Variants in ROBO2 observed in about 807,000 individuals in gnomAD.
The protein encoded by ROBO2 is roundabout homolog 2.
In ROBO2, 53 loss-of-function variants were observed where a neutral mutation model predicts 160.8. The observed-to-expected ratio is 0.33, with a 90% CI of 0.26 to 0.41. The LOEUF (loss-of-function observed/expected upper bound fraction) is 0.41, where lower values mean the gene tolerates loss of function less well. Ranked by LOEUF, ROBO2 falls within the 10% of genes least tolerant of loss-of-function variation. The pLI is 1.00. For synonymous variants in ROBO2, 664 were observed against 611.7 expected (o/e 1.09, Z -1.26); for missense variants, 1,577 against 1,722.4 (o/e 0.92, Z 1.49).
At chr3:76,372,070 G>A (rs979387531) in intron 2 of ROBO2, among the ~76,000 whole-genome samples, 7 of 151,606 alleles carry the variant, frequency 4.6e-5, no homozygotes, top group Admixed American at 1.3e-4. Flanking sequence ...TTAGGTTTAC[G>A]TGTGTTTAAT....
chr3:76,270,643 C>CA (rs1392589557), intron 2 of ROBO2, among the ~76,000 whole-genome samples: 7 of 151,842 alleles, frequency 4.6e-5, no homozygotes, highest in Admixed American at 4.6e-4. Flanking sequence ...CTACCTGATA[C>CA]AAAAGCAATG....
Position 76,204,697 on chromosome 3 carries a change from T to G in ROBO2, c.109+267095T>G, listed in dbSNP as rs183933792. Among the ~76,000 whole-genome samples, 3 of 152,310 alleles carry G rather than the reference T, an allele frequency of 2.0e-5. No individual in the cohort carries two copies. The East Asian group carries it at 5.8e-4, about 29-fold the overall frequency. ...ATTAGTGGGTAAAGTGTTATCTTCA[T>G]GTAACCCATAAATTGAGCATTTTGT... On this transcript the variant is annotated intron_variant, in intron 2 of 26. Transcript: ENST00000487694.
At chr3:77,473,347 AG>A (rs2083563288) in intron 2 of ROBO2, among the ~76,000 whole-genome samples, 1 of 150,934 alleles carries the variant, frequency 6.6e-6, no homozygotes, top group African/African-American at 2.4e-5. Flanking sequence ...CTTGGCTTCC[AG>A]GTATCCCTTT....
intron 2 of ROBO2, among the ~76,000 whole-genome samples, chr3:77,319,697 T>G (rs2064464681): frequency 6.6e-6 from 1 of 152,190 alleles, no homozygotes; most frequent in Admixed American, 6.5e-5. Context: ...CATATGAAAC[T>G]TCAATATGAA....
chr3:77,069,900 A>G (rs1263504689), intron 1 of ROBO2, among the ~76,000 whole-genome samples: 1 of 152,152 alleles, frequency 6.6e-6, no homozygotes, highest in African/African-American at 2.4e-5. Flanking sequence ...TGTTAAAATC[A>G]TAACCCCTGG....
At chr3:77,579,910 C>CTTA in intron 15 of ROBO2, 37 bp from the exon 17 acceptor site, 2 of 1,575,310 alleles carry the variant, frequency 1.3e-6, no homozygotes, top group South Asian at 1.1e-5. Context: ...AAACGATAAT[C>CTTA]TTATATCCAT....
intron 2 of ROBO2, among the ~76,000 whole-genome samples, chr3:77,373,988 G>A (rs2153479221): frequency 6.6e-6 from 1 of 151,118 alleles, no homozygotes; most frequent in Admixed American, 6.6e-5. Context: ...GCCTGGACAT[G>A]GTGAAACCCC....
chr3:77,118,242 G>A (rs971265783), intron 2 of ROBO2, among the ~76,000 whole-genome samples: 3 of 152,082 alleles, frequency 2.0e-5, no homozygotes, highest in African/African-American at 7.2e-5. Flanking sequence ...GAGCTGGCTT[G>A]GAAAATGTTG....
intron 2 of ROBO2, among the ~76,000 whole-genome samples, chr3:77,421,380 A>AT (rs1230610032): frequency 2.6e-5 from 4 of 151,908 alleles, no homozygotes; most frequent in African/African-American, 7.3e-5. Context: ...CGTGTATAAC[A>AT]TTTTTTTTCT....
chr3:76,411,443 G>T (rs1160440970), intron 2 of ROBO2, among the ~76,000 whole-genome samples: 1 of 152,100 alleles, frequency 6.6e-6, no homozygotes, highest in Non-Finnish European at 1.5e-5. Flanking sequence ...CTATTAGGTG[G>T]TTTAGAGCAA....
chr3:76,545,331 T>C (rs548137109), intron 2 of ROBO2, among the ~76,000 whole-genome samples: 3 of 152,148 alleles, frequency 2.0e-5, no homozygotes, highest in Non-Finnish European at 2.9e-5. Flanking sequence ...GATGTAATTA[T>C]AGAAATTCTT....
chr3:76,398,477 A>C (rs1382657748), intron 2 of ROBO2, among the ~76,000 whole-genome samples: 1 of 151,894 alleles, frequency 6.6e-6, no homozygotes, highest in Non-Finnish European at 1.5e-5. Flanking sequence ...AAGTATAATA[A>C]TAATAAAAGA....
intron 2 of ROBO2, among the ~76,000 whole-genome samples, chr3:77,394,079 A>G (rs2075017182): frequency 6.6e-6 from 1 of 152,152 alleles, no homozygotes; most frequent in African/African-American, 2.4e-5. Flanking sequence ...ATTTGTTTCC[A>G]ACACCATAAC....
intron 2 of ROBO2, among the ~76,000 whole-genome samples, chr3:75,980,421 CT>C (rs748469331): frequency 6.0e-5 from 9 of 150,676 alleles, no homozygotes; most frequent in African/African-American, 1.7e-4. Context: ...ATGCATATGG[CT>C]TTTTTTTTCT....
At chr3:77,395,700 T>C (rs2075212670) in intron 2 of ROBO2, among the ~76,000 whole-genome samples, 1 of 152,150 alleles carries the variant, frequency 6.6e-6, no homozygotes, top group Admixed American at 6.6e-5. Flanking sequence ...TCTTCTTTTA[T>C]GAGAGTTTAA....
chr3:77,149,304 G>A (rs1299189468), intron 2 of ROBO2, among the ~76,000 whole-genome samples: 1 of 152,014 alleles, frequency 6.6e-6, no homozygotes, highest in African/African-American at 2.4e-5. Context: ...TAAAGTGCTG[G>A]GATTACAGGC....
At chr3:75,916,620 A>G (rs1180861170) in intron 1 of ROBO2, among the ~76,000 whole-genome samples, 1 of 152,162 alleles carries the variant, frequency 6.6e-6, no homozygotes, top group Non-Finnish European at 1.5e-5. Flanking sequence ...ACACGTATTC[A>G]TACTAAATCA....
intron 2 of ROBO2, among the ~76,000 whole-genome samples, chr3:77,020,015 T>C (rs1306316371): frequency 6.6e-6 from 1 of 152,176 alleles, no homozygotes; most frequent in African/African-American, 2.4e-5. Flanking sequence ...ACACTGTATA[T>C]GATATGCTTA....
intron 2 of ROBO2, among the ~76,000 whole-genome samples, chr3:76,809,019 CT>C (rs2064960669): frequency 1.3e-5 from 2 of 152,052 alleles, no homozygotes; most frequent in Admixed American, 6.6e-5. Flanking sequence ...TTACAATTTG[CT>C]TTTTGAAAGT....
Sources: allele counts gnomAD v4.1 joint callset (sites outside exome capture counted in the v4.1 genomes callset), GRCh38; gene constraint gnomAD v4.1.1; transcripts MANE v1.5; gene names NCBI Gene and HGNC (gene_info 2026-07-23, HGNC 2026-07-21).